SPIDR: variants seen among roughly 807,000 people sequenced by gnomAD.
SPIDR encodes the protein DNA repair-scaffolding protein.
In SPIDR, 93 loss-of-function variants were observed where a neutral mutation model predicts 104.6. The ratio of observed to expected loss-of-function variants is 0.89; its 90% CI spans 0.75 to 1.06. SPIDR has a LOEUF of 1.06. SPIDR is among the 50% of genes least tolerant of loss of function. The probability of loss-of-function intolerance (pLI) is 0.00; values close to 1 mark genes in which losing one functional copy is unlikely to be tolerated. For synonymous variants in SPIDR, 431 were observed against 416.9 expected (o/e 1.03, Z -0.41); for missense variants, 1,154 against 1,111.2 (o/e 1.04, Z -0.55).
In SPIDR at chr8:47,660,353, C is replaced by T. The variant is rs186462612; in HGVS notation, c.1545-13448C>T. On this transcript the variant is annotated intron_variant, in intron 10 of 19. Transcript: ENST00000297423. ...TACTTCCAACGTGAACAGGGAACCT[C>T]TTATCTGTATTATTTTATGTTGCTG... is the stretch of plus-strand genomic sequence containing the variant. 1.9e-5 allele frequency: 12 copies of T among 644,102 alleles called. No individual in the cohort carries two copies. The Admixed American group carries it at 5.0e-4, about 27-fold the overall frequency. 39.9% of individuals were successfully genotyped at this position (644,102 alleles called of 1,614,324 possible). A position where few individuals can be genotyped will look rare whatever the true frequency, so the allele number is the denominator to read the frequency against.
intron 5 of SPIDR, among the ~76,000 whole-genome samples, chr8:47,315,714 T>C (rs1031076807): frequency 2.6e-5 from 4 of 152,110 alleles, no homozygotes; most frequent in African/African-American, 7.2e-5. Context: ...GCAGAACAGA[T>C]AACTGATAAA....
intron 8 of SPIDR, among the ~76,000 whole-genome samples, chr8:47,495,331 A>G (rs551010424): frequency 3.6e-4 from 55 of 152,068 alleles, no homozygotes; most frequent in African/African-American, 1.3e-3. Context: ...TGGTACAAGT[A>G]TCATCTAAAA....
intron 8 of SPIDR, among the ~76,000 whole-genome samples, chr8:47,583,680 A>T (rs988633321): frequency 3.9e-5 from 6 of 152,220 alleles, no homozygotes; most frequent in African/African-American, 1.4e-4. Context: ...GCCTGCTAAT[A>T]AAGGAAACAG....
intron 11 of SPIDR, among the ~76,000 whole-genome samples, chr8:47,700,121 T>C (rs1397236761): frequency 2.6e-5 from 4 of 152,200 alleles, no homozygotes; most frequent in Non-Finnish European, 5.9e-5. Flanking sequence ...CATGTTTCCA[T>C]GTCCATAAGT....
At chr8:47,607,204 G>A (rs2063069419) in intron 10 of SPIDR, among the ~76,000 whole-genome samples, 1 of 152,186 alleles carries the variant, frequency 6.6e-6, no homozygotes, top group Non-Finnish European at 1.5e-5. Context: ...TGTGAGTGCA[G>A]AGTATCATTT....
chr8:47,519,766 C>A (rs1221075514), intron 8 of SPIDR, among the ~76,000 whole-genome samples: 1 of 152,084 alleles, frequency 6.6e-6, no homozygotes, highest in Non-Finnish European at 1.5e-5. Context: ...GCCTAAGTAA[C>A]AGAGCAAGAC....
chr8:47,304,541 T>C lies in SPIDR; in HGVS notation c.525+10511T>C, dbSNP rs886540712. Among the ~76,000 whole-genome samples the C allele has an allele frequency of 2.4e-4, 37 of 152,200 alleles. No individual in the cohort carries two copies. In the Middle Eastern group the frequency reaches 0.01, roughly 42 times the overall value. On this transcript the variant is annotated intron_variant, in intron 5 of 19. Transcript: ENST00000297423. ...AAATAAATAAATACGTAAAAGTGTGTAGTACTGCCCACTTTGCTCTCTTGC... is the reference window on the plus strand; with the variant it reads ...AAATAAATAAATACGTAAAAGTGTGCAGTACTGCCCACTTTGCTCTCTTGC...
At chr8:47,449,383 ACT>A (rs782260229) in intron 8 of SPIDR, among the ~76,000 whole-genome samples, 2 of 151,862 alleles carry the variant, frequency 1.3e-5, no homozygotes, top group African/African-American at 4.8e-5. Context: ...CAAAAGAGAA[ACT>A]CTGTCAGCTC....
rs899737372 is a variant in SPIDR, at chr8:47,518,638, CT to C, written c.1098-77157del. 5.5e-3 allele frequency among the ~76,000 whole-genome samples: 782 copies of C among 141,190 alleles called. 4 individuals carry two copies. Among genetic ancestry groups the C allele is most frequent in the Middle Eastern group, 0.011 (3 of 266 alleles). 92.6% of individuals were successfully genotyped at this position (141,190 alleles called of 152,430 possible). On this transcript the variant is annotated intron_variant, in intron 8 of 19. Transcript: ENST00000297423. ...GTTATATCACTGAAGTCTTCTGCTA[CT>C]TTTTTTTTTTTTTTTGAGACGGAGT...
At chr8:47,360,102 C>T (rs534737027) in intron 5 of SPIDR, among the ~76,000 whole-genome samples, 2 of 151,780 alleles carry the variant, frequency 1.3e-5, no homozygotes, top group Admixed American at 6.6e-5. Flanking sequence ...ATTAGCTGGG[C>T]GTGGTGGCGG....
intron 19 of SPIDR, among the ~76,000 whole-genome samples, chr8:47,731,466 G>C (rs547063941): frequency 6.6e-6 from 1 of 152,294 alleles, no homozygotes; most frequent in South Asian, 2.1e-4. Flanking sequence ...TGAGCCTCCC[G>C]CATTCTCACA....
chr8:47,680,419 G>A (rs1009968133), intron 11 of SPIDR, among the ~76,000 whole-genome samples: 1 of 152,176 alleles, frequency 6.6e-6, no homozygotes, highest in Non-Finnish European at 1.5e-5. Context: ...AGCCCATCAC[G>A]TTCCATCCAG....
intron 10 of SPIDR, among the ~76,000 whole-genome samples, chr8:47,614,485 G>A (rs979156264): frequency 6.6e-6 from 1 of 152,148 alleles, no homozygotes; most frequent in Non-Finnish European, 1.5e-5. Context: ...GCCTCCCAAA[G>A]TGCTGGAATT....
At chr8:47,665,850 C>G (rs567833986) in intron 10 of SPIDR, among the ~76,000 whole-genome samples, 5 of 152,246 alleles carry the variant, frequency 3.3e-5, no homozygotes, top group African/African-American at 1.2e-4. Flanking sequence ...GAAAATATTG[C>G]TAACATTTTG....
intron 8 of SPIDR, among the ~76,000 whole-genome samples, chr8:47,562,644 C>T (rs1431363982): frequency 1.3e-5 from 2 of 152,206 alleles, no homozygotes; most frequent in Non-Finnish European, 2.9e-5. Flanking sequence ...CTGAAGACTG[C>T]GCGCAGTCCA....
intron 8 of SPIDR, among the ~76,000 whole-genome samples, chr8:47,441,846 C>T (rs185582779): frequency 1.3e-5 from 2 of 152,192 alleles, no homozygotes; most frequent in East Asian, 3.9e-4. Flanking sequence ...GTAGTGAATG[C>T]AATTTTATTT....
At chr8:47,506,069 A>G (rs876915) in intron 8 of SPIDR, among the ~76,000 whole-genome samples, 73,270 of 152,028 alleles carry the variant, frequency 0.48, 20,900 homozygotes, top group East Asian at 0.73. Context: ...CCATTTCTGC[A>G]TGTATAGTAC....
intron 7 of SPIDR, among the ~76,000 whole-genome samples, chr8:47,436,163 T>C (rs1554691857): frequency 1.3e-5 from 2 of 152,200 alleles, no homozygotes; most frequent in Non-Finnish European, 2.9e-5. Flanking sequence ...TGTAGTGCTC[T>C]TGGGGTAGCC....
At chr8:47,656,993 C>G (rs2072945701) in intron 10 of SPIDR, among the ~76,000 whole-genome samples, 1 of 152,008 alleles carries the variant, frequency 6.6e-6, no homozygotes, top group Non-Finnish European at 1.5e-5. Flanking sequence ...TCAATTGTTG[C>G]CAGGGACTCA....
Sources: allele counts gnomAD v4.1 joint callset (sites outside exome capture counted in the v4.1 genomes callset), GRCh38; gene constraint gnomAD v4.1.1; transcripts MANE v1.5; gene names NCBI Gene and HGNC (gene_info 2026-07-23, HGNC 2026-07-21).